Variants in SMPD4 observed in about 807,000 individuals in gnomAD.
SMPD4 encodes sphingomyelin phosphodiesterase 4, also known as neutral sphingomyelinase 3.
A neutral mutation model predicts 97.8 loss-of-function variants in SMPD4; 58 were observed. That is an observed-to-expected ratio of 0.59 (90% CI 0.48 to 0.74). The LOEUF (loss-of-function observed/expected upper bound fraction) is 0.74, where lower values mean the gene tolerates loss of function less well. Ranked by LOEUF, SMPD4 falls within the 30% of genes least tolerant of loss-of-function variation. The probability of loss-of-function intolerance (pLI) is 0.00; values close to 1 mark genes in which losing one functional copy is unlikely to be tolerated. For missense variants in SMPD4, 853 were observed against 1,080.5 expected (o/e 0.79, Z 2.95); for synonymous variants, 388 against 450.0 (o/e 0.86, Z 1.74).
chr2:130,154,280 G>T lies in SMPD4; in HGVS notation c.1656C>A (p.Thr552=), dbSNP rs751675499. 18 of 1,596,698 alleles carry T rather than the reference G, an allele frequency of 1.1e-5. No individual in the cohort carries two copies. In the East Asian group the frequency reaches 3.8e-4, roughly 34 times the overall value. The stretch of plus-strand genomic sequence containing the variant: ...CAGGCACCGCCGAACCACTCACCAG[G>T]GTGCGGGCCTCGGGCCCAAACATCG... The part of the protein sequence containing the change: ...YTPMFGPEAR[T]LVLRLAQLIT... Residue 552 remains threonine, a synonymous_variant, in exon 16 of 20, where the codon ACC becomes ACA. Transcript: ENST00000680298.
intron 16 of SMPD4, 51 bp from the exon 17 acceptor site, chr2:130,153,986 C>T: frequency 1.3e-6 from 2 of 1,537,320 alleles, no homozygotes; most frequent in African/African-American, 1.4e-5. Context: ...TGTGCTGCCA[C>T]CCAGGCAGCC....
chr2:130,179,187 T>C (rs1357764460), intron 1 of SMPD4, among the ~76,000 whole-genome samples: 2 of 151,486 alleles, frequency 1.3e-5, no homozygotes, highest in Non-Finnish European at 2.9e-5. Context: ...CCTGTGGCGC[T>C]ATCTTGGCTC....
chr2:130,175,433 G>A (rs1361806722), intron 2 of SMPD4, among the ~76,000 whole-genome samples: 1 of 152,104 alleles, frequency 6.6e-6, no homozygotes, highest in Non-Finnish European at 1.5e-5. Flanking sequence ...TTACACCATT[G>A]TGATCATCAG....
intron 13 of SMPD4, 97 bp downstream of exon 13, chr2:130,156,488 G>T: frequency 8.1e-7 from 1 of 1,230,798 alleles, no homozygotes; most frequent in Non-Finnish European, 1.1e-6. Context: ...AGGCCTCTGT[G>T]ATAACACTTG....
rs1688550904 is a variant in SMPD4, at chr2:130,172,338, G to C, written c.659+11C>G. 1 of 1,567,304 alleles carries C rather than the reference G, an allele frequency of 6.4e-7. No individual in the cohort carries two copies. Among genetic ancestry groups the C allele is most frequent in the Admixed American group, 1.8e-5 (1 of 54,390 alleles). On this transcript the variant is annotated intron_variant, in intron 8 of 19. Transcript: ENST00000680298. The stretch of plus-strand genomic sequence containing the variant: ...ATGGAAGGGCCAGGTCTTAACAAAG[G>C]GCAGCCTTACCTGGGAGGTGGTGAG...
rs772747370 is a variant in SMPD4 at position 130,172,845 on chromosome 2, C to T, written c.396G>A (p.Leu132=). The T allele has an allele frequency of 9.9e-6, 16 of 1,613,930 alleles. No individual in the cohort carries two copies. In the South Asian group the frequency reaches 1.4e-4, roughly 14 times the overall value. The change falls in exon 6 of 20, where the codon CTG becomes CTA. Residue 132 remains leucine (L), a synonymous_variant. Transcript: ENST00000680298. ...GGGTGAACTGGACCTTGTTGTGGTA[C>T]AGAGGACTGTCAGGGAGGATGCACT... ...IQECILPDSP[L]YHNKVQFTPT...
chr2:130,176,867 G>A (rs1467294516), intron 1 of SMPD4, among the ~76,000 whole-genome samples: 2 of 152,012 alleles, frequency 1.3e-5, no homozygotes, highest in Admixed American at 6.6e-5. Context: ...TTGAGACAGG[G>A]TCTCGCTATG....
chr2:130,174,018 TAAACA>T (rs1243693652), intron 3 of SMPD4, among the ~76,000 whole-genome samples: 1 of 150,874 alleles, frequency 6.6e-6, no homozygotes, highest in Middle Eastern at 3.4e-3. Flanking sequence ...AATAAAAAAA[TAAACA>T]AAATACATAT....
chr2:130,164,539 G>T, intron 9 of SMPD4, 94 bp from the exon 10 acceptor site: 2 of 1,010,854 alleles, frequency 2.0e-6, no homozygotes, highest in Non-Finnish European at 3.0e-6. Flanking sequence ...GCAGAGCTGG[G>T]AACACAGAAT....
chr2:130,160,628 G>A (rs866259261), intron 11 of SMPD4, among the ~76,000 whole-genome samples: 29 of 152,298 alleles, frequency 1.9e-4, no homozygotes, highest in African/African-American at 6.0e-4. Flanking sequence ...TGGCTGGGCT[G>A]TCAAGGACTG....
intron 2 of SMPD4, among the ~76,000 whole-genome samples, chr2:130,175,921 C>A (rs562777039): frequency 6.6e-6 from 1 of 152,166 alleles, no homozygotes; most frequent in Non-Finnish European, 1.5e-5. Flanking sequence ...TACAAAAACA[C>A]CTCCTAAGAA....
chr2:130,172,173 T>C (rs1688532434), intron 8 of SMPD4, among the ~76,000 whole-genome samples, 176 bp downstream of exon 8: 1 of 152,166 alleles, frequency 6.6e-6, no homozygotes, highest in African/African-American at 2.4e-5. Flanking sequence ...TAAGGACAGA[T>C]TGCCCGCCAT....
At chr2:130,175,680 T>G (rs1431650962) in intron 2 of SMPD4, among the ~76,000 whole-genome samples, 1 of 152,180 alleles carries the variant, frequency 6.6e-6, no homozygotes, top group African/African-American at 2.4e-5. Context: ...GCACCCTGAC[T>G]ACAAGGAGAA....
At chr2:130,166,874 T>C (rs191523657) in intron 9 of SMPD4, among the ~76,000 whole-genome samples, 83 of 152,326 alleles carry the variant, frequency 5.4e-4, no homozygotes, top group African/African-American at 1.9e-3. Flanking sequence ...TTCAGTGTCA[T>C]GGAAACCAAA....
In SMPD4 at chr2:130,160,008, C is replaced by A. The variant is rs1490295415; in HGVS notation, c.951+1178G>T. 2.0e-5 allele frequency among the ~76,000 whole-genome samples: 3 copies of A among 152,220 alleles called. 1 individual carries two copies. The highest frequency in any genetic ancestry group is 4.4e-5 in the Non-Finnish European group (3 of 68,040). ...TAGGTTTGCTGAGCCAAACTTCTCC[C>A]TCAGCTCTGCACCCCTCCTGGGCCA... On this transcript the variant is annotated intron_variant, in intron 11 of 19. Transcript: ENST00000680298.
chr2:130,180,565 C>T (rs1191143896), intron 1 of SMPD4, among the ~76,000 whole-genome samples: 1 of 152,238 alleles, frequency 6.6e-6, no homozygotes, highest in Admixed American at 6.5e-5. Flanking sequence ...GTCACCGCTC[C>T]CGGCCTCAAT....
intron 11 of SMPD4, among the ~76,000 whole-genome samples, chr2:130,159,870 C>A (rs751952827): frequency 6.6e-6 from 1 of 152,142 alleles, no homozygotes; most frequent in Non-Finnish European, 1.5e-5. Context: ...AAACTGCTTT[C>A]CCCTGCTGGT....
intron 10 of SMPD4, among the ~76,000 whole-genome samples, chr2:130,163,874 G>T (rs749840432): frequency 6.6e-6 from 1 of 152,332 alleles, no homozygotes; most frequent in Admixed American, 6.5e-5. Flanking sequence ...CTGCATGCAG[G>T]GGGGCACCAG....
In SMPD4 at chr2:130,172,487, G is replaced by C. The variant is rs1194036260; in HGVS notation, c.521C>G (p.Ser174Cys). The C allele has an allele frequency of 6.2e-7, 1 of 1,611,278 alleles. No individual in the cohort carries two copies. The highest frequency in any genetic ancestry group is 8.5e-7 in the Non-Finnish European group (1 of 1,178,166). The stretch of plus-strand genomic sequence containing the variant: ...ACAGTCTGAAGTACGGACGTGGAGG[G>C]ACACAGGAAGTGGCTGGAAAACCAA... Reference protein sequence around the residue: ...SLITQKPLPVSLHVRTSDCAY... With the variant: ...SLITQKPLPVCLHVRTSDCAY... The change falls in exon 8 of 20, where the codon TCC becomes TGC. Residue 174 changes from serine to cysteine, a missense_variant. Physicochemically the swap from Ser to Cys is moderately radical, Grantham distance 112 (BLOSUM62 -1). Transcript: ENST00000680298.
Sources: allele counts gnomAD v4.1 joint callset (sites outside exome capture counted in the v4.1 genomes callset), GRCh38; gene constraint gnomAD v4.1.1; transcripts MANE v1.5; gene names NCBI Gene and HGNC (gene_info 2026-07-23, HGNC 2026-07-21).